The following RPL24 variants were observed in gnomAD, a reference collection of about 807,000 sequenced individuals.
RPL24 encodes the protein large ribosomal subunit protein eL24.
A neutral mutation model predicts 26.4 loss-of-function variants in RPL24; 7 were observed. The ratio of observed to expected loss-of-function variants is 0.27; its 90% CI spans 0.15 to 0.50. The LOEUF (loss-of-function observed/expected upper bound fraction) is 0.50. RPL24 is among the 20% of genes least tolerant of loss of function. RPL24 has a pLI of 0.98. For missense variants in RPL24, 109 were observed against 194.9 expected (o/e 0.56, Z 2.62); for synonymous variants, 67 against 65.2 (o/e 1.03, Z -0.13).
In RPL24 at chr3:101,682,423, A is replaced by G. The variant is rs1458440967; in HGVS notation, c.393+6T>C. On this transcript the variant is annotated splice_donor_region_variant and intron_variant, in intron 5 of 5. Coordinates refer to ENST00000394077, the MANE Select transcript of RPL24 (RefSeq NM_000986.4). Reference sequence around the variant, plus strand: ...GTTCAAGAAAGTAAAGAAACCCCATAATTACCTTAGCAGCAGCCATTGCAG... The same window carrying G: ...GTTCAAGAAAGTAAAGAAACCCCATGATTACCTTAGCAGCAGCCATTGCAG... 1.2e-6 allele frequency: 2 copies of G among 1,610,086 alleles called. No homozygotes were observed. The highest frequency in any genetic ancestry group is 1.3e-5 in the African/African-American group (1 of 74,806).
rs749586487 is a variant in RPL24, at chr3:101,686,472, G to A, written c.81+10C>T. On this transcript the variant is annotated intron_variant, in intron 2 of 5. Coordinates refer to ENST00000394077, the MANE Select transcript of RPL24 (RefSeq NM_000986.4). ...ACAAGAAGGTAGGTGAAGCCGACGC[G>A]GCTTTTTACCTTCCCGTCGGTCCTG... The A allele has an allele frequency of 3.1e-6, 5 of 1,612,818 alleles. No homozygotes were observed. The South Asian group carries it at 3.3e-5, about 11-fold the overall frequency.
rs1217128940 is a variant in RPL24, at chr3:101,686,712, A to G, written c.-36T>C. The G allele has an allele frequency of 2.5e-6, 4 of 1,613,978 alleles. No homozygotes were observed. The East Asian group carries it at 8.9e-5, about 36-fold the overall frequency. Reference sequence around the variant, plus strand: ...CCACGGAAAGACAAAAGATGGCGAAAAGAAAGAGAGAATCATGGGAAGAGA... The same window carrying G: ...CCACGGAAAGACAAAAGATGGCGAAGAGAAAGAGAGAATCATGGGAAGAGA... On this transcript the variant is annotated 5_prime_UTR_variant, in exon 1 of 6. Transcript: ENST00000394077.
At chr3:101,686,002 TAGA>T in intron 2 of RPL24, 74 bp from the exon 3 acceptor site, 3 of 993,966 alleles carry the variant, frequency 3.0e-6, no homozygotes, top group East Asian at 2.4e-5. Context: ...TTGGAATCCT[TAGA>T]AGATCAATAT....
Position 101,686,515 on chromosome 3 carries a change from T to A in RPL24, c.48A>T (p.Gly16=), listed in dbSNP as rs1937345035. The change falls in exon 2 of 6, where the codon GGA becomes GGT. Residue 16 remains glycine (G), a synonymous_variant. Coordinates refer to ENST00000394077, the MANE Select transcript of RPL24 (RefSeq NM_000986.4). ...CGGTCCTGGCGTAGCGCCTCCCGTGTCCGGGGTAGATCTTGTACCCGCTAA... is the reference window on the plus strand; with the variant it reads ...CGGTCCTGGCGTAGCGCCTCCCGTGACCGGGGTAGATCTTGTACCCGCTAA... The part of the protein sequence containing the change: ...CSFSGYKIYP[G]HGRRYARTDG... 6.2e-7 allele frequency: 1 copy of A among 1,614,084 alleles called. No individual in the cohort carries two copies. The highest frequency in any genetic ancestry group is 1.1e-5 in the South Asian group (1 of 91,092).
At chr3:101,682,352 C>T in intron 5 of RPL24, 77 bp downstream of exon 5, 3 of 1,163,340 alleles carry the variant, frequency 2.6e-6, no homozygotes, top group South Asian at 1.2e-5. Context: ...TCCTGGGCAA[C>T]AGAGCAAGAC....
intron 1 of RPL24, 38 bp downstream of exon 1, chr3:101,686,634 A>T: frequency 6.2e-7 from 1 of 1,614,206 alleles, no homozygotes; most frequent in Non-Finnish European, 8.5e-7. Flanking sequence ...GTTCTGCCCG[A>T]GGATGTAAGC....
At position 101,686,124 on chromosome 3, in the gene RPL24, T is replaced by G. The variant is rs1283836600; in HGVS notation, c.82-196A>C. The stretch of plus-strand genomic sequence containing the variant: ...ACTATGAAGGTCCTTGCGTTTAGTC[T>G]TTTCTCGAGAGCAGGAAATCTAGGC... On this transcript the variant is annotated intron_variant, in intron 2 of 5. Coordinates refer to ENST00000394077, the MANE Select transcript of RPL24 (RefSeq NM_000986.4). 3 of 576,800 alleles carry G rather than the reference T, an allele frequency of 5.2e-6. No individual in the cohort carries two copies. In the African/African-American group the frequency reaches 5.6e-5, roughly 11 times the overall value. The allele number at this position is 576,800 out of a possible 1,614,324, so 35.7% of individuals were successfully genotyped here.
chr3:101,684,641 G>A (rs1002994308), intron 3 of RPL24, among the ~76,000 whole-genome samples: 3 of 151,506 alleles, frequency 2.0e-5, no homozygotes, highest in African/African-American at 7.3e-5. Flanking sequence ...AAAATAGCTG[G>A]GCCATGGTGG....
chr3:101,684,789 A>ACCC (rs1559993230), intron 3 of RPL24, among the ~76,000 whole-genome samples: 7 of 111,140 alleles, frequency 6.3e-5, no homozygotes, highest in African/African-American at 1.9e-4. Context: ...AAAAAAAAAA[A>ACCC]AAAAAAAAAA....
At chr3:101,685,172 C>A (rs1033883046) in intron 3 of RPL24, among the ~76,000 whole-genome samples, 2 of 151,864 alleles carry the variant, frequency 1.3e-5, no homozygotes, top group African/African-American at 2.4e-5. Context: ...ACCTGTAATT[C>A]CTGTTTTTTT....
intron 3 of RPL24, among the ~76,000 whole-genome samples, chr3:101,685,134 G>A (rs763928327): frequency 6.6e-6 from 1 of 151,290 alleles, no homozygotes; most frequent in Admixed American, 6.6e-5. Flanking sequence ...ATGCACAAAG[G>A]TTCCAATTTC....
Position 101,681,122 on chromosome 3 carries a change from C to G in RPL24, c.*13G>C, listed in dbSNP as rs748024194. On this transcript the variant is annotated 3_prime_UTR_variant, in exon 6 of 6. Coordinates refer to ENST00000394077, the MANE Select transcript of RPL24 (RefSeq NM_000986.4). ...TATAATCCAATCTTTATTTAAAAAT[C>G]TAATCTGCCAGTTTAGCGTTTTCCA... 52 of 1,585,224 alleles carry G rather than the reference C, an allele frequency of 3.3e-5. No homozygotes were observed. The South Asian group carries it at 5.7e-4, about 17-fold the overall frequency.
chr3:101,685,586 C>T (rs902793067), intron 3 of RPL24, among the ~76,000 whole-genome samples: 1 of 152,226 alleles, frequency 6.6e-6, no homozygotes, highest in African/African-American at 2.4e-5. Flanking sequence ...TGCCCTATAA[C>T]GCAAAGGTGC....
At chr3:101,681,425 G>T in intron 5 of RPL24, 1 of 556,276 alleles carries the variant, frequency 1.8e-6, no homozygotes, top group Non-Finnish European at 3.3e-6. Flanking sequence ...TCACAGACTG[G>T]ATGAAATGAG....
At chr3:101,683,022 CA>C in intron 3 of RPL24, 115 bp from the exon 4 acceptor site, 1 of 901,546 alleles carries the variant, frequency 1.1e-6, no homozygotes, top group Non-Finnish European at 1.6e-6. Flanking sequence ...TCATATTCAA[CA>C]AAAAATAATT....
At chr3:101,686,386 G>A in intron 2 of RPL24, 96 bp downstream of exon 2, 3 of 1,005,032 alleles carry the variant, frequency 3.0e-6, no homozygotes, top group South Asian at 3.1e-5. Flanking sequence ...CCAGAGGCCA[G>A]TGGTGATGTG....
chr3:101,686,418 G>T, intron 2 of RPL24, 64 bp downstream of exon 2: 5 of 1,458,152 alleles, frequency 3.4e-6, no homozygotes, highest in Non-Finnish European at 4.7e-6. Context: ...CGCCTAAACC[G>T]AATTAAACCA....
intron 3 of RPL24, 111 bp downstream of exon 3, chr3:101,685,705 TAA>T: frequency 1.7e-6 from 1 of 582,220 alleles, no homozygotes; most frequent in Non-Finnish European, 3.1e-6. Flanking sequence ...CTTTACAGTT[TAA>T]GAGCTCTTTC....
rs372798662 is a variant in RPL24, at chr3:101,686,473, G to A, written c.81+9C>T. ...CAAGAAGGTAGGTGAAGCCGACGCGGCTTTTTACCTTCCCGTCGGTCCTGG... is the reference window on the plus strand; with the variant it reads ...CAAGAAGGTAGGTGAAGCCGACGCGACTTTTTACCTTCCCGTCGGTCCTGG... On this transcript the variant is annotated intron_variant, in intron 2 of 5. Transcript: ENST00000394077. 6.2e-6 allele frequency: 10 copies of A among 1,613,106 alleles called. 1 individual carries two copies. The Admixed American group carries it at 1.7e-4, about 27-fold the overall frequency.
Sources: allele counts gnomAD v4.1 joint callset (sites outside exome capture counted in the v4.1 genomes callset), GRCh38; gene constraint gnomAD v4.1.1; transcripts MANE v1.5; gene names NCBI Gene and HGNC (gene_info 2026-07-23, HGNC 2026-07-21).